MYO1D: variants seen among roughly 807,000 people sequenced by gnomAD.
MYO1D encodes the protein myosin ID, also known as unconventional myosin-Id.
In MYO1D, 83 loss-of-function variants were observed where a neutral mutation model predicts 122.0. That is an observed-to-expected ratio of 0.68 (90% CI 0.57 to 0.82). The LOEUF (loss-of-function observed/expected upper bound fraction) is 0.82. Ranked by LOEUF, MYO1D falls within the 40% of genes least tolerant of loss-of-function variation. The pLI, the probability that MYO1D is intolerant of heterozygous loss-of-function variation, is 0.00. For missense variants in MYO1D, 1,157 were observed against 1,269.5 expected, an observed-to-expected ratio of 0.91 and a Z score of 1.35; for synonymous variants, 464 against 446.9, an observed-to-expected ratio of 1.04 and a Z score of -0.48.
intron 21 of MYO1D, among the ~76,000 whole-genome samples, chr17:32,508,184 T>C (rs1267866375): frequency 1.3e-5 from 2 of 149,624 alleles, no homozygotes; most frequent in Admixed American, 6.6e-5. Context: ...TGTGAGCCAC[T>C]GCACCCAGCA....
At chr17:32,693,641 C>T (rs1250388656) in intron 16 of MYO1D, among the ~76,000 whole-genome samples, 1 of 152,036 alleles carries the variant, frequency 6.6e-6, no homozygotes, top group Non-Finnish European at 1.5e-5. Context: ...AAATTGGTTG[C>T]CTTAGTAATG....
chr17:32,802,876 A>T (rs1466800427), intron 1 of MYO1D, among the ~76,000 whole-genome samples: 1 of 152,202 alleles, frequency 6.6e-6, no homozygotes, highest in East Asian at 1.9e-4. Context: ...CAAGTTAGGA[A>T]AGGTACCTGC....
chr17:32,797,150 T>A (rs532729181), intron 1 of MYO1D, among the ~76,000 whole-genome samples: 1 of 152,302 alleles, frequency 6.6e-6, no homozygotes, highest in East Asian at 1.9e-4. Flanking sequence ...TTTTGTATTT[T>A]AGTAGAGATG....
chr17:32,853,702 AAATG>A (rs555747701), intron 1 of MYO1D, among the ~76,000 whole-genome samples: 80 of 152,354 alleles, frequency 5.3e-4, no homozygotes, highest in African/African-American at 1.8e-3. Context: ...CTAATTGCTT[AAATG>A]AATGATTTGG....
chr17:32,598,969 G>A (rs909048275), intron 21 of MYO1D, among the ~76,000 whole-genome samples: 1 of 152,202 alleles, frequency 6.6e-6, no homozygotes, highest in African/African-American at 2.4e-5. Flanking sequence ...GGAGGGTCTT[G>A]TCTTGATGTT....
In MYO1D at chr17:32,699,122, G is replaced by A. The variant is rs370270878; in HGVS notation, c.2121+12866C>T. Among the ~76,000 whole-genome samples, 318 of 151,912 alleles carry A rather than the reference G, an allele frequency of 2.1e-3. 19 individuals carry two copies. The South Asian group carries it at 0.063, about 30-fold the overall frequency. ...TGGGATTACAGGTTTGTGTCATCAC[G>A]CCCGGCTAATTTTTGTATTTTTAGT... On this transcript the variant is annotated intron_variant, in intron 16 of 21. Transcript: ENST00000318217.
chr17:32,523,018 T>C (rs890223364), intron 21 of MYO1D, among the ~76,000 whole-genome samples: 1 of 152,166 alleles, frequency 6.6e-6, no homozygotes, highest in Non-Finnish European at 1.5e-5. Context: ...GGTTTCACCA[T>C]GTTAGCCAGG....
intron 20 of MYO1D, among the ~76,000 whole-genome samples, chr17:32,616,291 G>A (rs2087767988): frequency 1.3e-5 from 2 of 152,060 alleles, no homozygotes; most frequent in African/African-American, 4.8e-5. Flanking sequence ...CATCTTGGGA[G>A]TGGGTAAGCA....
chr17:32,530,741 T>C (rs2150872785), intron 21 of MYO1D, among the ~76,000 whole-genome samples: 1 of 152,158 alleles, frequency 6.6e-6, no homozygotes, highest in South Asian at 2.1e-4. Context: ...TTTGAGGTTG[T>C]AGTGAGCTAT....
chr17:32,616,600 T>A (rs887942390), intron 20 of MYO1D, among the ~76,000 whole-genome samples: 1 of 151,412 alleles, frequency 6.6e-6, no homozygotes, highest in African/African-American at 2.4e-5. Context: ...GGATTACAGG[T>A]GTAACCACAG....
intron 21 of MYO1D, among the ~76,000 whole-genome samples, chr17:32,561,570 G>A (rs943200867): frequency 2.0e-5 from 3 of 151,322 alleles, no homozygotes; most frequent in African/African-American, 4.9e-5. Context: ...CGTGCCTGTA[G>A]TCCCAGCTAC....
chr17:32,775,071 C>A (rs2090159353), intron 4 of MYO1D, among the ~76,000 whole-genome samples: 1 of 152,148 alleles, frequency 6.6e-6, no homozygotes, highest in Admixed American at 6.5e-5. Context: ...GAGACTGAAG[C>A]AGGAGGGCTG....
intron 21 of MYO1D, among the ~76,000 whole-genome samples, chr17:32,529,255 A>C (rs1371823922): frequency 3.9e-5 from 6 of 152,198 alleles, no homozygotes; most frequent in Non-Finnish European, 7.3e-5. Flanking sequence ...ATCATGAGAC[A>C]AGCTGCCCCA....
chr17:32,868,610 G>C (rs2091150369), intron 1 of MYO1D, among the ~76,000 whole-genome samples: 1 of 152,154 alleles, frequency 6.6e-6, no homozygotes, highest in Non-Finnish European at 1.5e-5. Flanking sequence ...AGGGTAGGGA[G>C]GTGAGGCCAT....
intron 1 of MYO1D, among the ~76,000 whole-genome samples, chr17:32,839,853 G>A (rs943848130): frequency 2.6e-5 from 4 of 152,120 alleles, no homozygotes; most frequent in Non-Finnish European, 5.9e-5. Context: ...TTTAATACAA[G>A]GCAAAATTTA....
rs138782581 is a variant in MYO1D at position 32,630,864 on chromosome 17, C to T, written c.2709+7858G>A. ...CTGGGATTACAGGCATGAGCCACCA[C>T]GCCCTGCCGGTAGAGTTGTTCTTCT... On this transcript the variant is annotated intron_variant, in intron 20 of 21. Transcript: ENST00000318217. 1.9e-3 allele frequency among the ~76,000 whole-genome samples: 290 copies of T among 152,194 alleles called. 1 individual carries two copies. Among genetic ancestry groups the T allele is most frequent in the African/African-American group, 6.0e-3 (250 of 41,524 alleles).
chr17:32,596,369 G>C (rs1360093712), intron 21 of MYO1D, among the ~76,000 whole-genome samples: 1 of 152,180 alleles, frequency 6.6e-6, no homozygotes. Flanking sequence ...AGCTCTGCTG[G>C]ACGGGGAGGG....
intron 1 of MYO1D, among the ~76,000 whole-genome samples, chr17:32,869,342 C>T (rs1251207537): frequency 6.6e-6 from 1 of 152,320 alleles, no homozygotes; most frequent in Admixed American, 6.5e-5. Context: ...GAGAGACATA[C>T]AATGCATATT....
chr17:32,731,629 T>C (rs2089640028), intron 14 of MYO1D, among the ~76,000 whole-genome samples: 1 of 152,224 alleles, frequency 6.6e-6, no homozygotes, highest in South Asian at 2.1e-4. Context: ...GCTGCTGCCA[T>C]GATGCTGGCT....
Sources: allele counts gnomAD v4.1 joint callset (sites outside exome capture counted in the v4.1 genomes callset), GRCh38; gene constraint gnomAD v4.1.1; transcripts MANE v1.5; gene names NCBI Gene and HGNC (gene_info 2026-07-23, HGNC 2026-07-21).